Variants in RIC3 observed in about 807,000 individuals in gnomAD.
The protein encoded by RIC3 is protein RIC-3.
A neutral mutation model predicts 27.3 loss-of-function variants in RIC3; 28 were observed. The observed-to-expected ratio is 1.02, with a 90% confidence interval of 0.76 to 1.41. The LOEUF is 1.41. Among genes scored for constraint, RIC3 ranks in the 40% most tolerant of loss-of-function variants. RIC3 has a pLI of 0.00. For missense variants in RIC3, 501 were observed against 444.7 expected, an observed-to-expected ratio of 1.13 and a Z score of -1.14; for synonymous variants, 184 against 160.4, an observed-to-expected ratio of 1.15 and a Z score of -1.11.
intron 1 of RIC3, among the ~76,000 whole-genome samples, chr11:8,147,138 C>G (rs1212503081): frequency 6.6e-6 from 1 of 152,186 alleles, no homozygotes; most frequent in African/African-American, 2.4e-5. Flanking sequence ...GACCTGGAAG[C>G]CCCTTCACCA....
rs151025993 is a variant in RIC3, at chr11:8,140,816, G to C, written c.125-623C>G. ...TAACTAATACAGATAAGAAAATACA[G>C]ACTAACAGCGGATCTCTCGGCAGAA... On this transcript the variant is annotated intron_variant, in intron 1 of 5. Transcript: ENST00000309737. Among the ~76,000 whole-genome samples the C allele has an allele frequency of 8.7e-4, 133 of 152,208 alleles. 2 individuals are homozygous for C. The East Asian group carries it at 0.024, about 27-fold the overall frequency.
intron 5 of RIC3, among the ~76,000 whole-genome samples, chr11:8,120,307 T>A (rs912569332): frequency 1.3e-5 from 2 of 152,138 alleles, no homozygotes; most frequent in Non-Finnish European, 2.9e-5. Flanking sequence ...CCATCAATGA[T>A]AGAATGGATT....
chr11:8,096,949 C>G, the RIC3 span: 2 of 1,005,496 alleles, frequency 2.0e-6, no homozygotes, highest in Non-Finnish European at 3.0e-6. Flanking sequence ...GCCTCCTAAC[C>G]TCTTCAGCTA....
Position 8,110,383 on chromosome 11 carries a change from G to C in RIC3, c.*315C>G. ...CTGTTACACCTACCAGGAAGAGTCA[G>C]ACCTTTGCCCCTGAGTGGTCCCATC... On this transcript the variant is annotated 3_prime_UTR_variant, in exon 6 of 6. Coordinates refer to ENST00000309737, the MANE Select transcript of RIC3 (RefSeq NM_001206671.4). The C allele has an allele frequency of 2.3e-6, 1 of 433,622 alleles. No homozygotes were observed. Among genetic ancestry groups the C allele is most frequent in the Non-Finnish European group, 4.3e-6 (1 of 231,882 alleles). 26.9% of individuals were successfully genotyped at this position (433,622 alleles called of 1,614,324 possible).
At chr11:8,168,756 G>T in intron 1 of RIC3, 110 bp downstream of exon 1, 1 of 1,433,030 alleles carries the variant, frequency 7.0e-7, no homozygotes, top group Non-Finnish European at 9.3e-7. Flanking sequence ...CAGTCAGTTT[G>T]GTGGATATTT....
chr11:8,123,884 T>A (rs1289637401), intron 5 of RIC3, among the ~76,000 whole-genome samples: 1 of 150,772 alleles, frequency 6.6e-6, no homozygotes, highest in East Asian at 2.0e-4. Context: ...CCACCACGCC[T>A]GGCTAATTTT....
At chr11:8,114,788 TA>T (rs56735463) in intron 5 of RIC3, among the ~76,000 whole-genome samples, 1 of 151,374 alleles carries the variant, frequency 6.6e-6, no homozygotes, top group Non-Finnish European at 1.5e-5. Flanking sequence ...GAAATTATAT[TA>T]AAAAAATCAA....
the RIC3 span, among the ~76,000 whole-genome samples, chr11:8,099,892 G>A: frequency 6.6e-6 from 1 of 152,216 alleles, no homozygotes; most frequent in African/African-American, 2.4e-5. Context: ...GTGGATACCA[G>A]GCAGTAAATG....
chr11:8,100,776 G>A, the RIC3 span: 1 of 1,605,778 alleles, frequency 6.2e-7, no homozygotes, highest in Middle Eastern at 1.7e-4. Context: ...TTCTGGGGTG[G>A]TCATGGTGCC....
the RIC3 span, among the ~76,000 whole-genome samples, chr11:8,100,276 C>T: frequency 6.7e-6 from 1 of 150,300 alleles, no homozygotes; most frequent in Non-Finnish European, 1.5e-5. Flanking sequence ...AGTGGAAGAA[C>T]AGCATTGCCG....
downstream of RIC3, among the ~76,000 whole-genome samples, chr11:8,101,235 C>T (rs1944287363): frequency 6.6e-6 from 1 of 152,218 alleles, no homozygotes; most frequent in Non-Finnish European, 1.5e-5. Flanking sequence ...CGGGAACACC[C>T]TTTAAAAGGA....
intron 1 of RIC3, among the ~76,000 whole-genome samples, chr11:8,165,246 A>G (rs1296762010): frequency 6.6e-6 from 1 of 152,264 alleles, no homozygotes; most frequent in Non-Finnish European, 1.5e-5. Context: ...CACAGATATC[A>G]GTAGCAACAT....
At chr11:8,143,352 AC>A (rs1441612314) in intron 1 of RIC3, among the ~76,000 whole-genome samples, 2 of 151,478 alleles carry the variant, frequency 1.3e-5, no homozygotes, top group Non-Finnish European at 3.0e-5. Flanking sequence ...AAATCAATGT[AC>A]AAAAATCACA....
chr11:8,101,281 A>G (rs1347255158), downstream of RIC3, among the ~76,000 whole-genome samples: 1 of 152,146 alleles, frequency 6.6e-6, no homozygotes, highest in Non-Finnish European at 1.5e-5. Flanking sequence ...GTTCACATGC[A>G]TCTTACTTTG....
At chr11:8,155,386 G>A (rs1255743740) in intron 1 of RIC3, among the ~76,000 whole-genome samples, 2 of 152,010 alleles carry the variant, frequency 1.3e-5, no homozygotes, top group Non-Finnish European at 2.9e-5. Flanking sequence ...GACCAGCTTG[G>A]CCAACACGGT....
chr11:8,144,346 A>C (rs1473627511), intron 1 of RIC3, among the ~76,000 whole-genome samples: 1 of 150,614 alleles, frequency 6.6e-6, no homozygotes, highest in East Asian at 1.9e-4. Context: ...AAAAACAAAC[A>C]ACCCCATCAA....
chr11:8,167,037 T>A (rs1951754708), intron 1 of RIC3, among the ~76,000 whole-genome samples: 1 of 152,224 alleles, frequency 6.6e-6, no homozygotes, highest in African/African-American at 2.4e-5. Flanking sequence ...TTGCTGCAAG[T>A]TTCAGTTACT....
At chr11:8,162,078 C>T (rs1247700809) in intron 1 of RIC3, among the ~76,000 whole-genome samples, 1 of 151,760 alleles carries the variant, frequency 6.6e-6, no homozygotes, top group African/African-American at 2.4e-5. Context: ...GAGGTAATGT[C>T]CGAAACTGTT....
downstream of RIC3, chr11:8,101,850 T>TAATGATACGGCG: frequency 6.2e-6 from 3 of 482,830 alleles, no homozygotes; most frequent in South Asian, 7.1e-5. Context: ...GAATAATTCT[T>TAATGATACGGCG]TCCATGCCAC....
Sources: gnomAD v4.1 joint callset for allele counts (sites outside exome capture counted in the v4.1 genomes callset) on GRCh38, gnomAD v4.1.1 for gene constraint, MANE v1.5 for transcripts, NCBI Gene and HGNC (gene_info 2026-07-23, HGNC 2026-07-21) for gene names.